CDH13: variants seen among roughly 807,000 people sequenced by gnomAD.
CDH13 encodes cadherin-13.
In CDH13, 24 loss-of-function variants were observed where a neutral mutation model predicts 63.8. The ratio of observed to expected loss-of-function variants is 0.38; its 90% confidence interval spans 0.27 to 0.53. CDH13 has a LOEUF of 0.53. Among genes scored for constraint, CDH13 ranks in the 20% least tolerant of loss-of-function variants. The pLI is 0.85. For missense variants in CDH13, 1,049 were observed against 903.1 expected (o/e 1.16, Z -2.07); for synonymous variants, 503 against 355.3 (o/e 1.42, Z -4.67).
At chr16:83,322,133 G>A (rs902154587) in intron 5 of CDH13, among the ~76,000 whole-genome samples, 8 of 152,162 alleles carry the variant, frequency 5.3e-5, no homozygotes, top group African/African-American at 4.8e-5. Context: ...CCCTGGGATC[G>A]TTGAGGGGGG....
At chr16:82,980,488 A>C (rs534502817) in intron 2 of CDH13, among the ~76,000 whole-genome samples, 1 of 152,336 alleles carries the variant, frequency 6.6e-6, no homozygotes, top group Non-Finnish European at 1.5e-5. Flanking sequence ...ACAGTATTAT[A>C]AGTTTTAGAG....
intron 6 of CDH13, among the ~76,000 whole-genome samples, chr16:83,420,438 C>A (rs1395034056): frequency 6.6e-6 from 1 of 152,148 alleles, no homozygotes; most frequent in Non-Finnish European, 1.5e-5. Context: ...AGCTTTTATT[C>A]CCATAGATCT....
At position 83,649,749 on chromosome 16, in the gene CDH13, C is replaced by T. The variant is rs182877994; in HGVS notation, c.1102-21041C>T. On this transcript the variant is annotated intron_variant, in intron 8 of 13. Coordinates refer to ENST00000567109, the MANE Select transcript of CDH13 (RefSeq NM_001257.5). ...CACGGAGGGCACCTGCCTTCTCGCA[C>T]TCTTCCCCTGTGGGTCAAGCAGCAA... is the stretch of plus-strand genomic sequence containing the variant. Among the ~76,000 whole-genome samples the T allele has an allele frequency of 4.0e-3, 609 of 152,232 alleles. 8 individuals are homozygous for T. Among genetic ancestry groups the T allele is most frequent in the Non-Finnish European group, 2.9e-3 (200 of 68,004 alleles).
At chr16:83,157,018 A>G (rs1030578509) in intron 4 of CDH13, among the ~76,000 whole-genome samples, 19 of 152,160 alleles carry the variant, frequency 1.2e-4, no homozygotes, top group Admixed American at 4.6e-4. Context: ...TTTTCTTATT[A>G]TATTTTCCAA....
chr16:82,685,169 C>G (rs991285237), intron 1 of CDH13, among the ~76,000 whole-genome samples: 1 of 152,170 alleles, frequency 6.6e-6, no homozygotes, highest in Admixed American at 6.5e-5. Context: ...TCTGTTTGAG[C>G]TGCTATATAA....
chr16:83,249,225 G>A lies in CDH13; in HGVS notation c.636+31728G>A, dbSNP rs574326133. 1.6e-4 allele frequency among the ~76,000 whole-genome samples: 24 copies of A among 152,122 alleles called. No individual in the cohort carries two copies. The East Asian group carries it at 3.5e-3, about 22-fold the overall frequency. On this transcript the variant is annotated intron_variant, in intron 5 of 13. Coordinates refer to ENST00000567109, the MANE Select transcript of CDH13 (RefSeq NM_001257.5). ...TTGACCAGACTAAGGAGAGAACATCGTACCCTCTAACCCAGTGGTTGGCAC... is the reference window on the plus strand; with the variant it reads ...TTGACCAGACTAAGGAGAGAACATCATACCCTCTAACCCAGTGGTTGGCAC...
chr16:83,056,920 C>T lies in CDH13; in HGVS notation c.366+24702C>T, dbSNP rs147629464. On this transcript the variant is annotated intron_variant, in intron 3 of 13. Transcript: ENST00000567109. ...TTCTGCCATGATTGTGAGTCCTCCC[C>T]GGCTATGTGGAACTGTGAGTCCATT... 6.6e-5 allele frequency among the ~76,000 whole-genome samples: 10 copies of T among 152,196 alleles called. No homozygotes were observed. The South Asian group carries it at 1.0e-3, about 16-fold the overall frequency.
intron 7 of CDH13, among the ~76,000 whole-genome samples, chr16:83,498,273 A>C (rs57096812): frequency 1.3e-5 from 2 of 152,188 alleles, no homozygotes; most frequent in Non-Finnish European, 2.9e-5. Context: ...TGTTCACACC[A>C]GCATGGAGTG....
chr16:82,905,459 G>GTGTA (rs150269313), intron 2 of CDH13, among the ~76,000 whole-genome samples: 19,875 of 151,568 alleles, frequency 0.13, 1,536 homozygotes, highest in African/African-American at 0.19. Context: ...GTGTGTGTGT[G>GTGTA]TGTGTGTGTA....
chr16:83,453,623 G>A (rs527974190), intron 6 of CDH13, among the ~76,000 whole-genome samples: 51 of 152,274 alleles, frequency 3.3e-4, no homozygotes, highest in African/African-American at 1.1e-3. Flanking sequence ...TATCTGTGGG[G>A]TGTGCGTCTG....
intron 6 of CDH13, among the ~76,000 whole-genome samples, chr16:83,440,661 C>T (rs143764118): frequency 1.2e-3 from 188 of 151,926 alleles, no homozygotes; most frequent in Middle Eastern, 6.8e-3. Flanking sequence ...GGCGCACACC[C>T]GTCGTCCCAG....
chr16:83,206,744 A>G (rs951343591), intron 4 of CDH13, among the ~76,000 whole-genome samples: 3 of 152,204 alleles, frequency 2.0e-5, no homozygotes, highest in Admixed American at 2.0e-4. Flanking sequence ...TGGGTGAGCT[A>G]GAAAATTTCA....
chr16:83,174,066 C>T (rs1175618327), intron 4 of CDH13, among the ~76,000 whole-genome samples: 2 of 146,424 alleles, frequency 1.4e-5, no homozygotes, highest in African/African-American at 5.3e-5. Flanking sequence ...GCAGATAAAA[C>T]CCAAATCTGA....
chr16:83,558,937 CAGAG>C (rs2075651126), intron 7 of CDH13, among the ~76,000 whole-genome samples: 2 of 141,220 alleles, frequency 1.4e-5, no homozygotes, highest in South Asian at 2.4e-4. Flanking sequence ...CAAGGGCAGA[CAGAG>C]AGGTCAGTGT....
chr16:83,711,458 A>ATG (rs1908035121), intron 10 of CDH13, among the ~76,000 whole-genome samples: 1 of 152,056 alleles, frequency 6.6e-6, no homozygotes, highest in South Asian at 2.1e-4. Flanking sequence ...ACTGGCTAGC[A>ATG]TGTGTGTGGT....
chr16:82,904,759 G>A (rs535649240), intron 2 of CDH13, among the ~76,000 whole-genome samples: 5 of 152,142 alleles, frequency 3.3e-5, no homozygotes, highest in Non-Finnish European at 5.9e-5. Context: ...ATTTACCAGA[G>A]CCAGCCTTCT....
At chr16:83,667,863 A>G (rs944134242) in intron 8 of CDH13, among the ~76,000 whole-genome samples, 2 of 151,976 alleles carry the variant, frequency 1.3e-5, no homozygotes, top group African/African-American at 2.4e-5. Flanking sequence ...GAATCTCACT[A>G]TGTTGCCCAG....
rs772599881 is a variant in CDH13, at chr16:83,670,954, G to C, written c.1266G>C (p.Gly422=). The C allele has an allele frequency of 1.2e-5, 19 of 1,598,608 alleles. No homozygotes were observed. The highest frequency in any genetic ancestry group is 1.5e-5 in the Non-Finnish European group (18 of 1,169,864). Residue 422 remains glycine, a synonymous_variant, in exon 9 of 14, where the codon GGG becomes GGC. Transcript: ENST00000567109. ...EIHTNPQTNE[G]MLSVVKPLDY... is the part of the protein sequence containing the mutation. ...ACACCAACCCTCAAACCAACGAAGG[G>C]ATGCTTTCTGTTGTCAAAGTAAGGG...
chr16:82,805,092 G>C (rs2037076949), intron 1 of CDH13, among the ~76,000 whole-genome samples: 1 of 152,176 alleles, frequency 6.6e-6, no homozygotes, highest in African/African-American at 2.4e-5. Flanking sequence ...CAGTAGAAGA[G>C]AGTGTGGACT....
Sources: allele counts gnomAD v4.1 joint callset (sites outside exome capture counted in the v4.1 genomes callset), GRCh38; gene constraint gnomAD v4.1.1; transcripts MANE v1.5; gene names NCBI Gene and HGNC (gene_info 2026-07-23, HGNC 2026-07-21).